SFXN3: variants seen among roughly 807,000 people sequenced by gnomAD.
SFXN3 encodes the protein sideroflexin-3.
SFXN3 carries 31 observed loss-of-function variants against 40.4 expected under a neutral mutation model. The observed-to-expected ratio is 0.77, with a 90% CI of 0.58 to 1.04. The LOEUF is 1.04. Among genes scored for constraint, SFXN3 ranks in the 50% least tolerant of loss-of-function variants. The pLI, the probability that SFXN3 is intolerant of heterozygous loss-of-function variation, is 0.00. For synonymous variants in SFXN3, 157 were observed against 160.0 expected (o/e 0.98, Z 0.14); for missense variants, 366 against 408.2 (o/e 0.90, Z 0.89).
chr10:101,036,200 T>C lies in SFXN3; in HGVS notation c.431+99T>C, dbSNP rs11190804. The C allele has an allele frequency of 0.18, 187,960 of 1,039,002 alleles. 18,561 individuals are homozygous for C. Among genetic ancestry groups the C allele is most frequent in the South Asian group, 0.22 (15,947 of 73,576 alleles). 64.4% of individuals were successfully genotyped at this position (1,039,002 alleles called of 1,614,324 possible). A position where few individuals can be genotyped will look rare whatever the true frequency, so the allele number is the denominator to read the frequency against. On this transcript the variant is annotated intron_variant, in intron 5 of 11. Coordinates refer to ENST00000393459, the Ensembl canonical transcript of SFXN3. This position sits in a 1 kb window ranked among gnomAD's most constrained non-coding sequence, Gnocchi z 4.2. ...TTTCTCTCCGGTTCCCTGTGGACCA[T>C]GCAGCCAGTGCTCAGCGCCCTCTCC...
chr10:101,038,714 T>C, intron 10 of SFXN3, 22 bp downstream of exon 10: 2 of 1,606,830 alleles, frequency 1.2e-6, no homozygotes, highest in Non-Finnish European at 1.7e-6. Context: ...AGGAGTTAGC[T>C]GGGGTGTGTG....
intron 4 of SFXN3, 131 bp from the exon 5 acceptor site, chr10:101,035,872 C>T (rs1690271538): frequency 1.8e-6 from 2 of 1,124,594 alleles, no homozygotes; most frequent in East Asian, 2.4e-5. Flanking sequence ...ATAGGGGTTA[C>T]CAGAACAGGT....
chr10:101,033,273 T>C (rs1202563025), intron 2 of SFXN3, among the ~76,000 whole-genome samples: 1 of 152,186 alleles, frequency 6.6e-6, no homozygotes, highest in Non-Finnish European at 1.5e-5. Flanking sequence ...AAAGCTCACC[T>C]GAGCATGGGT....
Position 101,032,386 on chromosome 10 carries a change from ACGCGTGACGTCC to A in SFXN3, c.-92_-81del. On this transcript the variant is annotated 5_prime_UTR_variant, in exon 2 of 12. The change creates a new upstream start codon in the 5' untranslated region. Transcript: ENST00000393459. The stretch of plus-strand genomic sequence containing the variant: ...CTGCCCCTCCCTGCTGGTCGGCGTC[ACGCGTGACGTCC>A]CGCGTGATGGCTGGGAGGGCCCGGC... 3 of 1,328,750 alleles carry A rather than the reference ACGCGTGACGTCC, an allele frequency of 2.3e-6. No homozygotes were observed. Among genetic ancestry groups the A allele is most frequent in the Middle Eastern group, 2.1e-4 (1 of 4,784 alleles). 82.3% of individuals were successfully genotyped at this position (1,328,750 alleles called of 1,614,324 possible).
Position 101,036,911 on chromosome 10 carries a change from A to G in SFXN3, c.593+103A>G, listed in dbSNP as rs1434023386. ...GGGACATCCCTCTCCCTCCCCAGAC[A>G]TGAGCTGCTGGGCCCTGGCTCAGTC... On this transcript the variant is annotated intron_variant, in intron 7 of 11. Transcript: ENST00000393459. This position sits in a 1 kb window ranked among gnomAD's most constrained non-coding sequence, Gnocchi z 4.2. 6 of 1,523,472 alleles carry G rather than the reference A, an allele frequency of 3.9e-6. No individual in the cohort carries two copies. Among genetic ancestry groups the G allele is most frequent in the Non-Finnish European group, 5.3e-6 (6 of 1,126,336 alleles). 94.4% of individuals were successfully genotyped at this position (1,523,472 alleles called of 1,614,324 possible).
At position 101,036,056 on chromosome 10, in the gene SFXN3, T is replaced by C. The variant is rs1938583481; in HGVS notation, c.386T>C (p.Ile129Thr). 1 of 1,614,070 alleles carries C rather than the reference T, an allele frequency of 6.2e-7. No homozygotes were observed. The highest frequency in any genetic ancestry group is 1.3e-5 in the African/African-American group (1 of 75,012). ...TGGGTGAATCAGTCCTTCAATGCCATTGTTAACTACTCCAACCGCAGTGGT... is the reference window on the plus strand; with the variant it reads ...TGGGTGAATCAGTCCTTCAATGCCACTGTTAACTACTCCAACCGCAGTGGT... The change falls in exon 5 of 12, where the codon ATT becomes ACT. Residue 129 changes from isoleucine to threonine, a missense_variant. By Grantham distance (89) the Ile-to-Thr change is moderately conservative. Transcript: ENST00000393459. This position sits in a 1 kb window ranked among gnomAD's most constrained non-coding sequence, Gnocchi z 4.2.
chr10:101,038,383 C>G (rs771126496), intron 9 of SFXN3: 253 of 1,391,188 alleles, frequency 1.8e-4, no homozygotes, highest in Non-Finnish European at 2.3e-4. Context: ...AAAAAAAGGG[C>G]CAGGGAGTGC....
chr10:101,035,731 G>A lies in SFXN3; in HGVS notation c.332+64G>A, dbSNP rs774469486. On this transcript the variant is annotated intron_variant, in intron 4 of 11. Transcript: ENST00000393459. ...GCTAGAGCATAGCTTGACTAGGTGCGCTTCTTGTCTGGGCCAACTGGGTGA... is the reference window on the plus strand; with the variant it reads ...GCTAGAGCATAGCTTGACTAGGTGCACTTCTTGTCTGGGCCAACTGGGTGA... 607 of 1,546,270 alleles carry A rather than the reference G, an allele frequency of 3.9e-4. 3 individuals are homozygous for A. The highest frequency in any genetic ancestry group is 3.5e-3 in the Middle Eastern group (20 of 5,768).
Position 101,038,403 on chromosome 10 carries a change from C to G in SFXN3, c.772-240C>G, listed in dbSNP as rs113066733. 42 of 1,406,422 alleles carry G rather than the reference C, an allele frequency of 3.0e-5. 1 individual carries two copies. The highest frequency in any genetic ancestry group is 2.7e-4 in the African/African-American group (19 of 69,332). 87.1% of individuals were successfully genotyped at this position (1,406,422 alleles called of 1,614,324 possible). On this transcript the variant is annotated intron_variant, in intron 9 of 11. Coordinates refer to ENST00000393459, the Ensembl canonical transcript of SFXN3. The stretch of plus-strand genomic sequence containing the variant: ...AAGGGCCAGGGAGTGCCATGGCAAC[C>G]AATTCTGAGAGGTGAGAGGTCATGG...
exon 12 of SFXN3, chr10:101,040,862 C>T (rs1938864841): frequency 6.6e-6 from 1 of 152,288 alleles, no homozygotes; most frequent in African/African-American, 2.4e-5. Flanking sequence ...GGATTACAAG[C>T]ATGAGCCACT....
intron 9 of SFXN3, chr10:101,037,901 GATGGCACTGAACACA>G: frequency 1.0e-6 from 1 of 999,750 alleles, no homozygotes; most frequent in Non-Finnish European, 1.2e-6. Flanking sequence ...GGGCTGAGGA[GATGGCACTGAACACA>G]ATGGTTATGG....
chr10:101,039,884 T>G lies in SFXN3; in HGVS notation c.*299T>G. ...TCCTGAAAGCTAGAAGCAGGCATGCTAGCCTAGTATGTTCTGACATCTGGC... is the reference window on the plus strand; with the variant it reads ...TCCTGAAAGCTAGAAGCAGGCATGCGAGCCTAGTATGTTCTGACATCTGGC... On this transcript the variant is annotated 3_prime_UTR_variant, in exon 12 of 12. Transcript: ENST00000393459. The surrounding 1 kb of genome is among the most constrained non-coding windows in gnomAD (Gnocchi z 4.6). 5.5e-6 allele frequency: 2 copies of G among 360,582 alleles called. No homozygotes were observed. Among genetic ancestry groups the G allele is most frequent in the Non-Finnish European group, 1.0e-5 (2 of 193,784 alleles). 22.3% of individuals were successfully genotyped at this position (360,582 alleles called of 1,614,324 possible).
chr10:101,037,739 CT>C (rs1047554255), intron 9 of SFXN3: 25 of 1,325,108 alleles, frequency 1.9e-5, no homozygotes, highest in Non-Finnish European at 2.4e-5. Context: ...CTTTTACCCC[CT>C]AGTGCCTCCA....
chr10:101,038,622 T>C (rs374732922), intron 9 of SFXN3, 21 bp from the exon 10 acceptor site: 1 of 1,613,766 alleles, frequency 6.2e-7, no homozygotes, highest in Non-Finnish European at 8.5e-7. Context: ...GCCGTTCCAT[T>C]GTCTTTCTGT....
chr10:101,032,165 C>T (rs1043224199), intron 1 of SFXN3, 149 bp from the exon 2 acceptor site: 2 of 352,008 alleles, frequency 5.7e-6, no homozygotes, highest in Non-Finnish European at 1.0e-5. Flanking sequence ...AAGGGAGCAG[C>T]GCCCGCGGCT....
chr10:101,034,093 C>T (rs1938462894), intron 2 of SFXN3, among the ~76,000 whole-genome samples: 1 of 151,958 alleles, frequency 6.6e-6, no homozygotes, highest in Non-Finnish European at 1.5e-5. Context: ...TTTACTAATC[C>T]ACCTCAGCAC....
At chr10:101,037,278 A>C in intron 8 of SFXN3, 75 bp downstream of exon 8, 1 of 1,613,302 alleles carries the variant, frequency 6.2e-7, no homozygotes, top group Non-Finnish European at 8.5e-7. Flanking sequence ...ACTTTGGAGG[A>C]CTCTGGGGAG....
chr10:101,037,094 C>G, exon 8 of SFXN3: 19 of 1,613,924 alleles, frequency 1.2e-5, no homozygotes, highest in Non-Finnish European at 1.6e-5. Flanking sequence ...AGGTGGGCAT[C>G]CCGGTGGCTG....
chr10:101,031,473 T>C (rs564745397), exon 1 of SFXN3: 3 of 152,564 alleles, frequency 2.0e-5, no homozygotes, highest in Non-Finnish European at 4.4e-5. Context: ...TGGAGGGACG[T>C]CACGGGGCAG....
Sources: gnomAD v4.1 joint callset for allele counts (sites outside exome capture counted in the v4.1 genomes callset) on GRCh38, gnomAD v4.1.1 for gene constraint, Gnocchi (gnomAD v3.1) non-coding constraint, MANE v1.5 for transcripts, NCBI Gene and HGNC (gene_info 2026-07-23, HGNC 2026-07-21) for gene names.